LRRCC1: variants seen among roughly 807,000 people sequenced by gnomAD.
LRRCC1 encodes leucine-rich repeat and coiled-coil domain-containing protein 1.
In LRRCC1, 115 loss-of-function variants were observed where a neutral mutation model predicts 126.0. That is an observed-to-expected ratio of 0.91 (90% CI 0.78 to 1.07). LRRCC1 has a LOEUF of 1.07. Among genes scored for constraint, LRRCC1 ranks in the 50% least tolerant of loss-of-function variants. The pLI is 0.00. For missense variants in LRRCC1, 1,172 were observed against 1,175.7 expected (o/e 1.00, Z 0.05); for synonymous variants, 400 against 393.4 (o/e 1.02, Z -0.20).
chr8:85,133,276 G>A (rs1218741750), intron 12 of LRRCC1, among the ~76,000 whole-genome samples: 1 of 152,102 alleles, frequency 6.6e-6, no homozygotes, highest in Non-Finnish European at 1.5e-5. Flanking sequence ...TTCTTTGCTT[G>A]GTTTCCAGCA....
Position 85,110,161 on chromosome 8 carries a change from C to G in LRRCC1, c.357C>G (p.Asn119Lys). The G allele has an allele frequency of 7.6e-7, 1 of 1,321,228 alleles. No homozygotes were observed. The highest frequency in any genetic ancestry group is 1.0e-6 in the Non-Finnish European group (1 of 958,994). The allele number at this position is 1,321,228 out of a possible 1,614,324, so 81.8% of individuals were successfully genotyped here. A position where few individuals can be genotyped will look rare whatever the true frequency, so the allele number is the denominator to read the frequency against. The change falls in exon 3 of 19, where the codon AAC becomes AAG. Residue 119 changes from asparagine to lysine, a missense_variant. Physicochemically the swap from Asn to Lys is moderately conservative, Grantham distance 94. Transcript: ENST00000360375. ...INLTRLNVSY[N>K]HIDDLSGLIP... ...TGACTAGACTAAATGTATCTTATAA[C>G]CACATAGATGATCTTAGTGGTAAGT...
At chr8:85,136,025 A>G (rs1305720619) in intron 14 of LRRCC1, 62 bp downstream of exon 14, 14 of 1,347,372 alleles carry the variant, frequency 1.0e-5, no homozygotes, top group East Asian at 2.6e-5. Context: ...AAATCTGGGT[A>G]TTGGAGAGAA....
In LRRCC1 at chr8:85,108,368, A is replaced by G. The variant is rs111580350; in HGVS notation, c.104+969A>G. 8.0e-3 allele frequency among the ~76,000 whole-genome samples: 1,216 copies of G among 152,348 alleles called. 21 individuals are homozygous for G. Among genetic ancestry groups the G allele is most frequent in the African/African-American group, 0.028 (1,162 of 41,574 alleles). On this transcript the variant is annotated intron_variant, in intron 1 of 18. Coordinates refer to ENST00000360375, the MANE Select transcript of LRRCC1 (RefSeq NM_033402.5). ...TACATTATCAGTAATCCTCACAGCA[A>G]TTCTACAAGGTAGTAATTTTTCTCA...
intron 1 of LRRCC1, 31 bp from the exon 2 acceptor site, chr8:85,109,564 C>G: frequency 3.1e-6 from 4 of 1,292,418 alleles, no homozygotes; most frequent in South Asian, 2.8e-5. Context: ...CTTTTAAAAT[C>G]TATTTTTATA....
rs142301289 is a variant in LRRCC1 at position 85,123,638 on chromosome 8, C to T, written c.1124+32C>T. On this transcript the variant is annotated intron_variant, in intron 7 of 18. Coordinates refer to ENST00000360375, the MANE Select transcript of LRRCC1 (RefSeq NM_033402.5). ...GTTTTAGTTTTAGAAATTTAAGGCA[C>T]ACAGAAGTTAATAATGCTGGCTTCT... 1.6e-5 allele frequency: 23 copies of T among 1,466,698 alleles called. No individual in the cohort carries two copies. In the African/African-American group the frequency reaches 1.6e-4, roughly 10 times the overall value. 90.9% of individuals were successfully genotyped at this position (1,466,698 alleles called of 1,614,324 possible).
rs748329502 is a variant in LRRCC1 at position 85,129,362 on chromosome 8, C to T, written c.1609C>T (p.Gln537Ter). 1 of 1,610,650 alleles carries T rather than the reference C, an allele frequency of 6.2e-7. No homozygotes were observed. Among genetic ancestry groups the T allele is most frequent in the Non-Finnish European group, 8.5e-7 (1 of 1,179,038 alleles). The change falls in exon 10 of 19, where the codon CAG (glutamine) becomes TAG (stop). Residue 537 changes from glutamine to a stop codon, truncating the protein, a stop_gained. Transcript: ENST00000360375. LOFTEE classifies it high-confidence loss of function. ...TLEKMERQKR[Q>*]QQAAQIRLIQ... ...AGAAAAAATGGAGAGACAAAAAAGG[C>T]AGCAGCAGGCAGCACAGGTATTTCT...
Position 85,123,436 on chromosome 8 carries a change from T to C in LRRCC1, c.954T>C (p.Val318=). Residue 318 remains valine (V), a synonymous_variant, in exon 7 of 19, where the codon GTT becomes GTC. Transcript: ENST00000360375. The stretch of plus-strand genomic sequence containing the variant: ...AGACTTCTAATTCAATAGATAACGT[T>C]CTTGAGAAAGACCCCAGACCAAAAA... ...LNETSNSIDN[V]LEKDPRPKRD... is the part of the protein sequence containing the mutation. The C allele has an allele frequency of 6.3e-7, 1 of 1,598,826 alleles. No homozygotes were observed. The highest frequency in any genetic ancestry group is 8.5e-7 in the Non-Finnish European group (1 of 1,176,136).
At position 85,130,378 on chromosome 8, in the gene LRRCC1, A is replaced by G. The variant is rs199776913; in HGVS notation, c.1766+320A>G. 2.8e-4 allele frequency among the ~76,000 whole-genome samples: 43 copies of G among 151,058 alleles called. No individual in the cohort carries two copies. The East Asian group carries it at 8.2e-3, about 29-fold the overall frequency. On this transcript the variant is annotated intron_variant, in intron 11 of 18. Coordinates refer to ENST00000360375, the MANE Select transcript of LRRCC1 (RefSeq NM_033402.5). ...AGGATGGTCTCGATCTCCTGACCTC[A>G]TGATCTGCCCCACTCGGCCTCCCAA...
intron 1 of LRRCC1, chr8:85,107,769 C>G (rs1217742643): frequency 6.0e-6 from 1 of 166,364 alleles, no homozygotes; most frequent in Non-Finnish European, 1.3e-5. Context: ...CGTGTTCTCT[C>G]GTCTTTCCTG....
intron 18 of LRRCC1, among the ~76,000 whole-genome samples, chr8:85,144,428 ATGTG>A (rs201121031): frequency 0.09 from 7,938 of 88,628 alleles, 696 homozygotes; most frequent in African/African-American, 0.24. Flanking sequence ...GTGTGTGTGT[ATGTG>A]TGTGTGTGTG....
At chr8:85,110,725 C>T (rs1808643602) in intron 3 of LRRCC1, among the ~76,000 whole-genome samples, 1 of 152,148 alleles carries the variant, frequency 6.6e-6, no homozygotes, top group Non-Finnish European at 1.5e-5. Context: ...AGTTAAGGAA[C>T]AAATAAAATG....
At chr8:85,141,321 C>T in intron 17 of LRRCC1, 61 bp from the exon 18 acceptor site, 4 of 1,373,570 alleles carry the variant, frequency 2.9e-6, no homozygotes, top group East Asian at 2.4e-5. Flanking sequence ...AAATAACATC[C>T]TAATCTTTAC....
At chr8:85,129,049 T>TA in intron 9 of LRRCC1, 126 bp from the exon 10 acceptor site, 1 of 721,486 alleles carries the variant, frequency 1.4e-6, no homozygotes, top group East Asian at 2.5e-5. Context: ...TCATATAGCA[T>TA]ATCAAACAGG....
intron 4 of LRRCC1, among the ~76,000 whole-genome samples, 177 bp downstream of exon 4, chr8:85,113,276 A>G (rs1808864464): frequency 6.6e-6 from 1 of 152,178 alleles, no homozygotes; most frequent in South Asian, 2.1e-4. Flanking sequence ...GTTACAGAAC[A>G]CAAGATGAAC....
intron 12 of LRRCC1, 73 bp from the exon 13 acceptor site, chr8:85,134,774 A>G: frequency 1.1e-6 from 1 of 933,072 alleles, no homozygotes; most frequent in South Asian, 1.8e-5. Context: ...TAAAACTGTG[A>G]TACTATTTCC....
intron 18 of LRRCC1, among the ~76,000 whole-genome samples, chr8:85,144,474 ATT>A (rs56095819): frequency 0.042 from 1,936 of 46,540 alleles, 16 homozygotes; most frequent in Middle Eastern, 0.066. Context: ...ATATATATAT[ATT>A]TTTTTTTTTT....
Position 85,138,418 on chromosome 8 carries a change from T to C in LRRCC1, c.2783T>C (p.Phe928Ser). The C allele has an allele frequency of 6.2e-7, 1 of 1,612,670 alleles. No homozygotes were observed. Among genetic ancestry groups the C allele is most frequent in the Non-Finnish European group, 8.5e-7 (1 of 1,179,504 alleles). ...CAAGTAAAAGAAGTGAAAGAAAAAT[T>C]TGAAAACAAGGAAAAGAAACTTAAA... is the stretch of plus-strand genomic sequence containing the variant. ...ETQVKEVKEK[F>S]ENKEKKLKAE... The change falls in exon 17 of 19, where the codon TTT (phenylalanine) becomes TCT (serine). Residue 928 changes from phenylalanine to serine, a missense_variant. Physicochemically the swap from Phe to Ser is radical, Grantham distance 155. Transcript: ENST00000360375.
In LRRCC1 at chr8:85,110,135, C is replaced by T; in HGVS notation, c.331C>T (p.Leu111=). Residue 111 remains leucine (L), a synonymous_variant, in exon 3 of 19, where the codon CTG becomes TTG. Transcript: ENST00000360375. ...TTTAGGACTTGAAGAACTAATTAAT[C>T]TGACTAGACTAAATGTATCTTATAA... ...KVEGLEELIN[L]TRLNVSYNHI... is the part of the protein sequence containing the mutation. 1.5e-6 allele frequency: 2 copies of T among 1,303,960 alleles called. No individual in the cohort carries two copies. Among genetic ancestry groups the T allele is most frequent in the Non-Finnish European group, 1.1e-6 (1 of 943,530 alleles). The allele number at this position is 1,303,960 out of a possible 1,614,324, so 80.8% of individuals were successfully genotyped here.
intron 15 of LRRCC1, 124 bp from the exon 16 acceptor site, chr8:85,137,911 A>G: frequency 1.7e-6 from 1 of 595,324 alleles, no homozygotes. Context: ...TAGGAGTCAC[A>G]AGAAAATGAA....
Sources: allele counts gnomAD v4.1 joint callset (sites outside exome capture counted in the v4.1 genomes callset), GRCh38; gene constraint gnomAD v4.1.1; transcripts MANE v1.5; gene names NCBI Gene and HGNC (gene_info 2026-07-23, HGNC 2026-07-21).